The following ADAMTSL1 variants were observed in gnomAD, a reference collection of about 807,000 sequenced individuals.
The protein encoded by ADAMTSL1 is ADAMTS-like protein 1.
In ADAMTSL1, 126 loss-of-function variants were observed where a neutral mutation model predicts 201.8. The observed-to-expected ratio is 0.62, with a 90% CI of 0.54 to 0.72. The LOEUF is 0.72. ADAMTSL1 is among the 30% of genes least tolerant of loss of function. The probability of loss-of-function intolerance (pLI) is 0.00; values close to 1 mark genes in which losing one functional copy is unlikely to be tolerated. For synonymous variants in ADAMTSL1, 1,121 were observed against 903.4 expected (o/e 1.24, Z -4.32); for missense variants, 2,679 against 2,277.8 (o/e 1.18, Z -3.59).
chr9:18,397,609 A>G (rs1817807063), intron 2 of ADAMTSL1, among the ~76,000 whole-genome samples: 1 of 152,176 alleles, frequency 6.6e-6, no homozygotes, highest in South Asian at 2.1e-4. Flanking sequence ...TTTGAACCAA[A>G]ACCCAATACA....
At chr9:18,071,589 G>T (rs1346198403) in intron 1 of ADAMTSL1, among the ~76,000 whole-genome samples, 1 of 152,208 alleles carries the variant, frequency 6.6e-6, no homozygotes, top group Non-Finnish European at 1.5e-5. Context: ...GATAAATCTA[G>T]TGTCAGGTAC....
intron 2 of ADAMTSL1, among the ~76,000 whole-genome samples, chr9:18,326,362 AT>A (rs1009553173): frequency 6.6e-6 from 1 of 151,642 alleles, no homozygotes; most frequent in Non-Finnish European, 1.5e-5. Context: ...ATGTGGATGT[AT>A]TTTTTATCAA....
intron 2 of ADAMTSL1, among the ~76,000 whole-genome samples, chr9:18,357,700 A>C (rs1330002759): frequency 6.6e-6 from 1 of 152,172 alleles, no homozygotes; most frequent in East Asian, 1.9e-4. Context: ...CCAAAAGCTC[A>C]ATAGTCTAAG....
chr9:18,866,247 A>T (rs1281679132), intron 23 of ADAMTSL1, among the ~76,000 whole-genome samples: 1 of 152,114 alleles, frequency 6.6e-6, no homozygotes, highest in African/African-American at 2.4e-5. Flanking sequence ...CTGGGAACAT[A>T]CACAGTGGGG....
At chr9:18,329,181 C>G (rs574086001) in intron 2 of ADAMTSL1, among the ~76,000 whole-genome samples, 178 of 152,100 alleles carry the variant, frequency 1.2e-3, no homozygotes, top group African/African-American at 4.2e-3. Flanking sequence ...CGTGAGGACA[C>G]AGTGAGAAGA....
At chr9:18,200,995 C>A (rs1418093484) in intron 2 of ADAMTSL1, among the ~76,000 whole-genome samples, 2 of 151,984 alleles carry the variant, frequency 1.3e-5, no homozygotes, top group Non-Finnish European at 2.9e-5. Flanking sequence ...TTCACCTCTG[C>A]AAATCTTTCT....
chr9:18,286,346 C>A (rs1236335353), intron 2 of ADAMTSL1, among the ~76,000 whole-genome samples: 1 of 152,080 alleles, frequency 6.6e-6, no homozygotes, highest in Non-Finnish European at 1.5e-5. Flanking sequence ...TATGTATTAA[C>A]TTATTTAACT....
In ADAMTSL1 at chr9:18,023,140, C is replaced by CTATA. The variant is rs147130418; in HGVS notation, c.87+116224_87+116227dup. Among the ~76,000 whole-genome samples the CTATA allele has an allele frequency of 1.7e-3, 254 of 150,894 alleles. 2 individuals carry two copies. Among genetic ancestry groups the CTATA allele is most frequent in the African/African-American group, 3.0e-3 (125 of 41,296 alleles). ...TAGATCTCTAGTTCAGAATTATTTA[C>CTATA]TATATATATGTATATGTATGTCTGC... On this transcript the variant is annotated intron_variant, in intron 1 of 29. Coordinates refer to the ADAMTSL1 transcript ENST00000680146.
At chr9:18,289,543 C>A (rs1197910796) in intron 2 of ADAMTSL1, among the ~76,000 whole-genome samples, 1 of 152,168 alleles carries the variant, frequency 6.6e-6, no homozygotes, top group Non-Finnish European at 1.5e-5. Context: ...GAGATTGTTT[C>A]CCAAGGAGCC....
chr9:18,772,052 CA>C (rs1820723320), intron 17 of ADAMTSL1, among the ~76,000 whole-genome samples: 1 of 152,048 alleles, frequency 6.6e-6, no homozygotes, highest in South Asian at 2.1e-4. Flanking sequence ...AATTTGATTT[CA>C]AGATATAAAG....
At position 18,444,550 on chromosome 9, in the gene ADAMTSL1, A is replaced by G. The variant is rs144746095; in HGVS notation, c.208-60279A>G. ...AATTTTAGCCTATAAGGATAAAAACATAAGGCTTGAAGATTGGCCTCAAGC... is the reference window on the plus strand; with the variant it reads ...AATTTTAGCCTATAAGGATAAAAACGTAAGGCTTGAAGATTGGCCTCAAGC... On this transcript the variant is annotated intron_variant, in intron 2 of 29. Coordinates refer to the ADAMTSL1 transcript ENST00000680146. Among the ~76,000 whole-genome samples the G allele has an allele frequency of 4.1e-3, 627 of 152,286 alleles. 5 individuals carry two copies. Among genetic ancestry groups the G allele is most frequent in the African/African-American group, 0.014 (593 of 41,578 alleles).
At chr9:18,199,530 T>C (rs1253949646) in intron 2 of ADAMTSL1, among the ~76,000 whole-genome samples, 2 of 152,108 alleles carry the variant, frequency 1.3e-5, no homozygotes, top group Non-Finnish European at 2.9e-5. Flanking sequence ...CCTAAGATTA[T>C]GAAGTTATTT....
chr9:18,508,274 C>CT (rs1386694925), intron 2 of ADAMTSL1, among the ~76,000 whole-genome samples: 3 of 152,034 alleles, frequency 2.0e-5, no homozygotes, highest in Non-Finnish European at 4.4e-5. Context: ...GTGTCCCTGG[C>CT]TTTCTCTTCC....
At chr9:18,017,735 T>C (rs1208099273) in intron 1 of ADAMTSL1, among the ~76,000 whole-genome samples, 1 of 152,046 alleles carries the variant, frequency 6.6e-6, no homozygotes, top group Admixed American at 6.6e-5. Flanking sequence ...TAGGTAATTA[T>C]ATCCAACTTC....
At chr9:18,047,832 T>A (rs1378271655) in intron 1 of ADAMTSL1, among the ~76,000 whole-genome samples, 1 of 152,200 alleles carries the variant, frequency 6.6e-6, no homozygotes, top group South Asian at 2.1e-4. Context: ...GGGAAAAAGA[T>A]GAGTTCAGTT....
chr9:18,323,873 A>C (rs1415196640), intron 2 of ADAMTSL1, among the ~76,000 whole-genome samples: 2 of 152,178 alleles, frequency 1.3e-5, no homozygotes, highest in Non-Finnish European at 2.9e-5. Context: ...GTGGGTTGGA[A>C]GATTCAAATT....
rs375314764 is a variant in ADAMTSL1 at position 18,005,347 on chromosome 9, A to G, written c.87+98425A>G. ...CTACAGAAGGAAGCTGAAGGATGAG[A>G]CATGGCCTTTATTGAGCACCTACTG... is the stretch of plus-strand genomic sequence containing the variant. On this transcript the variant is annotated intron_variant, in intron 1 of 29. Transcript: ENST00000680146. Among the ~76,000 whole-genome samples the G allele has an allele frequency of 2.0e-5, 3 of 152,080 alleles. No individual in the cohort carries two copies. The East Asian group carries it at 5.8e-4, about 29-fold the overall frequency.
intron 2 of ADAMTSL1, among the ~76,000 whole-genome samples, chr9:18,249,196 T>C (rs947082396): frequency 1.3e-5 from 2 of 152,172 alleles, no homozygotes; most frequent in Admixed American, 1.3e-4. Context: ...TAGCAAGTTG[T>C]CAGTAAAAAA....
chr9:18,520,861 T>C (rs1278392240), intron 2 of ADAMTSL1, among the ~76,000 whole-genome samples: 1 of 152,194 alleles, frequency 6.6e-6, no homozygotes, highest in Non-Finnish European at 1.5e-5. Flanking sequence ...GTTTGAGCCA[T>C]GTGATGTATC....
Sources: gnomAD v4.1 joint callset for allele counts (sites outside exome capture counted in the v4.1 genomes callset) on GRCh38, gnomAD v4.1.1 for gene constraint, MANE v1.5 for transcripts, NCBI Gene and HGNC (gene_info 2026-07-23, HGNC 2026-07-21) for gene names.